SCN7A: variants seen among roughly 807,000 people sequenced by gnomAD.
The protein encoded by SCN7A is sodium voltage-gated channel alpha subunit 7, also known as sodium channel protein type 7 subunit alpha.
SCN7A carries 138 observed loss-of-function variants against 155.2 expected under a neutral mutation model. The ratio of observed to expected loss-of-function variants is 0.89; its 90% CI spans 0.77 to 1.02. SCN7A has a LOEUF of 1.02. Among genes scored for constraint, SCN7A ranks in the 50% least tolerant of loss-of-function variants. SCN7A has a pLI of 0.00. For missense variants in SCN7A, 2,058 were observed against 1,986.6 expected (o/e 1.04, Z -0.68); for synonymous variants, 693 against 649.0 (o/e 1.07, Z -1.03).
intron 3 of SCN7A, 91 bp from the exon 4 acceptor site, chr2:166,474,435 G>T: frequency 2.3e-6 from 1 of 435,422 alleles, no homozygotes; most frequent in Non-Finnish European, 4.1e-6. Flanking sequence ...CATCATTATA[G>T]TCTTGGACTC....
chr2:166,470,577 A>T (rs1037992235), intron 7 of SCN7A, 38 bp downstream of exon 7: 3 of 1,546,228 alleles, frequency 1.9e-6, no homozygotes, highest in Non-Finnish European at 2.6e-6. Flanking sequence ...CAGTACATAA[A>T]ACAAAATGAA....
intron 1 of SCN7A, among the ~76,000 whole-genome samples, chr2:166,489,543 T>C (rs1286777717): frequency 6.6e-6 from 1 of 152,210 alleles, no homozygotes; most frequent in Non-Finnish European, 1.5e-5. Context: ...CAACCATCTG[T>C]GTGAATAAAC....
At chr2:166,429,328 G>A (rs1022477526) in intron 16 of SCN7A, 54 bp from the exon 17 acceptor site, 2 of 1,062,314 alleles carry the variant, frequency 1.9e-6, no homozygotes, top group Non-Finnish European at 2.7e-6. Flanking sequence ...ATTTACCCAT[G>A]GTGGCCAAAG....
At chr2:166,438,308 C>A (rs918081367) in intron 15 of SCN7A, among the ~76,000 whole-genome samples, 7 of 152,074 alleles carry the variant, frequency 4.6e-5, no homozygotes, top group African/African-American at 1.7e-4. Flanking sequence ...TGCCTGCTTC[C>A]CCTTCTGCCA....
intron 23 of SCN7A, among the ~76,000 whole-genome samples, chr2:166,411,736 G>C (rs908998999): frequency 6.6e-6 from 1 of 151,976 alleles, no homozygotes; most frequent in Non-Finnish European, 1.5e-5. Context: ...ATCAGGTTAG[G>C]TACTACCCTG....
Position 166,418,851 on chromosome 2 carries a change from T to C in SCN7A, c.3136-1866A>G, listed in dbSNP as rs533147374. Among the ~76,000 whole-genome samples, 5 of 152,316 alleles carry C rather than the reference T, an allele frequency of 3.3e-5. No individual in the cohort carries two copies. The East Asian group carries it at 9.6e-4, about 29-fold the overall frequency. Reference sequence around the variant, plus strand: ...TTATTAAATACATAAATCATTAATTTTGTAAGCATGTAACTTCCTAATATA... The same window carrying C: ...TTATTAAATACATAAATCATTAATTCTGTAAGCATGTAACTTCCTAATATA... On this transcript the variant is annotated intron_variant, in intron 20 of 25. Coordinates refer to ENST00000643258, the MANE Select transcript of SCN7A (RefSeq NM_002976.4).
intron 20 of SCN7A, among the ~76,000 whole-genome samples, chr2:166,417,794 A>G (rs1701412120): frequency 6.6e-6 from 1 of 151,614 alleles, no homozygotes; most frequent in South Asian, 2.1e-4. Context: ...CCAAGAGAAG[A>G]GATTGCTTCA....
intron 20 of SCN7A, among the ~76,000 whole-genome samples, chr2:166,417,252 T>A (rs1447128125): frequency 6.6e-6 from 1 of 152,100 alleles, no homozygotes; most frequent in Non-Finnish European, 1.5e-5. Context: ...GGCGGGTGGA[T>A]CACCAGGTCA....
intron 19 of SCN7A, 118 bp downstream of exon 19, chr2:166,423,141 C>T: frequency 1.0e-6 from 1 of 968,774 alleles, no homozygotes; most frequent in East Asian, 2.7e-5. Flanking sequence ...GTGTCATGTA[C>T]CAACAATGTA....
rs1206711539 is a variant in SCN7A, at chr2:166,404,618, T to C, written c.*962A>G. On this transcript the variant is annotated 3_prime_UTR_variant, in exon 26 of 26. Transcript: ENST00000643258. ...AGGGCCAAGACACTATGAGAATCCCTATACATAATGGTAGTTCTCAACTCT... is the reference window on the plus strand; with the variant it reads ...AGGGCCAAGACACTATGAGAATCCCCATACATAATGGTAGTTCTCAACTCT... 6.6e-6 allele frequency: 1 copy of C among 151,792 alleles called. No homozygotes were observed. Among genetic ancestry groups the C allele is most frequent in the Non-Finnish European group, 1.5e-5 (1 of 67,868 alleles). 9.4% of individuals were successfully genotyped at this position (151,792 alleles called of 1,614,324 possible).
At chr2:166,408,002 G>A (rs1431732586) in intron 25 of SCN7A, among the ~76,000 whole-genome samples, 2 of 151,960 alleles carry the variant, frequency 1.3e-5, no homozygotes, top group Non-Finnish European at 2.9e-5. Context: ...TCAGTTTTCA[G>A]AGGATGATGG....
intron 21 of SCN7A, among the ~76,000 whole-genome samples, chr2:166,414,243 TAA>T (rs1297258051): frequency 1.2e-5 from 1 of 81,852 alleles, no homozygotes; most frequent in Non-Finnish European, 2.4e-5. Context: ...TCTATATATG[TAA>T]ATATATATAG....
In SCN7A at chr2:166,406,021, G is replaced by T. The variant is rs1701062972; in HGVS notation, c.4608C>A (p.Ser1536Arg). 6.2e-7 allele frequency: 1 copy of T among 1,612,810 alleles called. No homozygotes were observed. Among genetic ancestry groups the T allele is most frequent in the Admixed American group, 1.7e-5 (1 of 59,788 alleles). ...DPDRTQYIDS[S>R]KLSDFAAALD... Reference sequence around the variant, plus strand: ...GAGCAGCTGCAAAATCTGAAAGCTTGCTAGAGTCTATGTACTGGGTCCTAT... The same window carrying T: ...GAGCAGCTGCAAAATCTGAAAGCTTTCTAGAGTCTATGTACTGGGTCCTAT... Residue 1536 changes from serine (S) to arginine (R), a missense_variant, in exon 26 of 26, where the codon AGC (serine) becomes AGA (arginine). By Grantham distance (110) the Ser-to-Arg change is moderately radical (BLOSUM62 -1). Transcript: ENST00000643258.
In SCN7A at chr2:166,477,561, C is replaced by G. The variant is rs1702827008; in HGVS notation, c.136G>C (p.Val46Leu). The change falls in exon 3 of 26, where the codon GTT (valine) becomes CTT (leucine). Residue 46 changes from valine to leucine, a missense_variant. Coordinates refer to ENST00000643258, the MANE Select transcript of SCN7A (RefSeq NM_002976.4). ...TAAATAAATGGAAGCTTTTTGCCAA[C>G]TTCCAAATCAGGAGTTGGCTTTAAG... is the stretch of plus-strand genomic sequence containing the variant. ...EDLKPTPDLEVGKKLPFIYGN... is the reference protein window; with the variant it reads ...EDLKPTPDLELGKKLPFIYGN... 3 of 1,574,422 alleles carry G rather than the reference C, an allele frequency of 1.9e-6. No homozygotes were observed. The highest frequency in any genetic ancestry group is 1.9e-5 in the Admixed American group (1 of 54,052).
chr2:166,411,617 A>C (rs537876036), intron 23 of SCN7A, among the ~76,000 whole-genome samples: 2 of 152,044 alleles, frequency 1.3e-5, no homozygotes, highest in Non-Finnish European at 2.9e-5. Context: ...AAATAAATGT[A>C]TGCTTGATTT....
Position 166,406,592 on chromosome 2 carries a change from T to C in SCN7A, c.4037A>G (p.Gln1346Arg), listed in dbSNP as rs1701081591. ...GSYLVPPSLV[Q>R]LILLSRIIHM... ...AATGATCCGTGAGAGAAGTATCAGT[T>C]GCACAAGTGAAGGAGGCACAAGGTA... Residue 1346 changes from glutamine to arginine, a missense_variant, in exon 26 of 26, where the codon CAA becomes CGA. By Grantham distance (43) the Gln-to-Arg change is conservative. Coordinates refer to ENST00000643258, the MANE Select transcript of SCN7A (RefSeq NM_002976.4). The C allele has an allele frequency of 3.1e-6, 5 of 1,612,312 alleles. No individual in the cohort carries two copies. The highest frequency in any genetic ancestry group is 2.7e-5 in the African/African-American group (2 of 74,924).
At chr2:166,468,494 A>C (rs1702585181) in intron 7 of SCN7A, among the ~76,000 whole-genome samples, 1 of 152,070 alleles carries the variant, frequency 6.6e-6, no homozygotes, top group Non-Finnish European at 1.5e-5. Flanking sequence ...CAAATAAAAT[A>C]TGTCTCTAGT....
intron 18 of SCN7A, among the ~76,000 whole-genome samples, chr2:166,425,747 T>C (rs1701609194): frequency 6.6e-6 from 1 of 152,106 alleles, no homozygotes; most frequent in African/African-American, 2.4e-5. Context: ...TGTGATTATA[T>C]TAGGCTCAGC....
chr2:166,444,558 G>A (rs1348412142), intron 13 of SCN7A, among the ~76,000 whole-genome samples: 1 of 152,220 alleles, frequency 6.6e-6, no homozygotes, highest in Admixed American at 6.5e-5. Context: ...TTAAATTCCA[G>A]CTGTAAAACT....
Sources: gnomAD v4.1 joint callset for allele counts (sites outside exome capture counted in the v4.1 genomes callset) on GRCh38, gnomAD v4.1.1 for gene constraint, MANE v1.5 for transcripts, NCBI Gene and HGNC (gene_info 2026-07-23, HGNC 2026-07-21) for gene names.